The following MED1 variants were observed in gnomAD, a reference collection of about 807,000 sequenced individuals.
MED1 encodes mediator complex subunit 1.
A neutral mutation model predicts 121.3 loss-of-function variants in MED1; 17 were observed. That is an observed-to-expected ratio of 0.14 (90% CI 0.10 to 0.21). MED1 has a LOEUF of 0.21. MED1 is among the 10% of genes least tolerant of loss of function. The pLI is 1.00. For missense variants in MED1, 1,558 were observed against 1,919.4 expected, an observed-to-expected ratio of 0.81 and a Z score of 3.52; for synonymous variants, 661 against 694.4, an observed-to-expected ratio of 0.95 and a Z score of 0.76.
At position 39,423,832 on chromosome 17, in the gene MED1, A is replaced by G. The variant is rs764363546; in HGVS notation, c.852-11T>C. ...GAGAAGGAAGGGGTCCTTCAAAAAA[A>G]AGAGGGTGGAAGGGTTGGATTCTGA... On this transcript the variant is annotated splice_polypyrimidine_tract_variant and intron_variant, in intron 11 of 16. Transcript: ENST00000300651. The G allele has an allele frequency of 6.3e-7, 1 of 1,594,598 alleles. No individual in the cohort carries two copies. Among genetic ancestry groups the G allele is most frequent in the South Asian group, 1.1e-5 (1 of 87,568 alleles).
In MED1 at chr17:39,451,063, C is replaced by T. The variant is rs2048777987; in HGVS notation, c.-1G>A. 1.2e-6 allele frequency: 2 copies of T among 1,611,120 alleles called. No homozygotes were observed. The highest frequency in any genetic ancestry group is 1.7e-5 in the Admixed American group (1 of 59,550). ...CCTCGGTTTCCCCCTGAGCTTTCAT[C>T]CTGAAGGCGAGGAGAAGCTAGATCC... On this transcript the variant is annotated 5_prime_UTR_variant, in exon 1 of 17. Coordinates refer to ENST00000300651, the MANE Select transcript of MED1 (RefSeq NM_004774.4).
In MED1 at chr17:39,451,137, G is replaced by C; in HGVS notation, c.-75C>G. On this transcript the variant is annotated 5_prime_UTR_variant, in exon 1 of 17. Coordinates refer to ENST00000300651, the MANE Select transcript of MED1 (RefSeq NM_004774.4). ...CCACCACTAACGGAGGAAACAAGTT[G>C]GCTCGGGATCCCGGGACGCAGGGCA... 1 of 1,565,376 alleles carries C rather than the reference G, an allele frequency of 6.4e-7. No homozygotes were observed.
chr17:39,437,924 A>T (rs2048634993), intron 6 of MED1, among the ~76,000 whole-genome samples: 1 of 151,994 alleles, frequency 6.6e-6, no homozygotes, highest in Admixed American at 6.6e-5. Context: ...ACAAAAGTAA[A>T]TCTCCGTCTC....
intron 8 of MED1, 151 bp downstream of exon 8, chr17:39,431,791 C>A: frequency 1.8e-6 from 1 of 566,586 alleles, no homozygotes; most frequent in Non-Finnish European, 3.1e-6. Context: ...CTTAGCGATA[C>A]TGATACTCAG....
intron 1 of MED1, among the ~76,000 whole-genome samples, chr17:39,448,208 C>T (rs940469973): frequency 1.3e-5 from 2 of 150,054 alleles, no homozygotes; most frequent in East Asian, 2.0e-4. Flanking sequence ...CTGTCTCTAC[C>T]GAAAATACAA....
intron 14 of MED1, among the ~76,000 whole-genome samples, chr17:39,417,039 A>G (rs1185938952): frequency 1.3e-5 from 2 of 152,078 alleles, no homozygotes; most frequent in South Asian, 2.1e-4. Flanking sequence ...CCCTGTATCA[A>G]GAAAAAAAAG....
At position 39,408,112 on chromosome 17, in the gene MED1, C is replaced by A. The variant is rs1567917358; in HGVS notation, c.4109G>T (p.Ser1370Ile). Residue 1370 changes from serine (S) to isoleucine (I), a missense_variant, in exon 17 of 17, where the codon AGT becomes ATT. This residue lies in a region of MED1 where 264 missense variants were observed against 326.1 expected (regional missense o/e 0.81). Transcript: ENST00000300651. This position sits in a 1 kb window ranked among gnomAD's most constrained non-coding sequence, Gnocchi z 4.7. ...GGTCTTCTTAGAAGAATCCACTGAA[C>A]TCCCGGAGGTGGAAACCTTTGATTT... ...KDKSKVSTSG[S>I]SVDSSKKTSE... 1 of 1,614,176 alleles carries A rather than the reference C, an allele frequency of 6.2e-7. No homozygotes were observed. Among genetic ancestry groups the A allele is most frequent in the East Asian group, 2.2e-5 (1 of 44,884 alleles).
chr17:39,437,737 T>C (rs1329375724), intron 6 of MED1, among the ~76,000 whole-genome samples: 6 of 151,542 alleles, frequency 4.0e-5, no homozygotes, highest in Non-Finnish European at 5.9e-5. Context: ...GAGTTTGAGA[T>C]CAGCCTGGGC....
At chr17:39,415,963 C>A (rs2048405798) in intron 14 of MED1, among the ~76,000 whole-genome samples, 1 of 150,328 alleles carries the variant, frequency 6.7e-6, no homozygotes, top group Non-Finnish European at 1.5e-5. Flanking sequence ...GAACCCCAGC[C>A]TGGGAAACAG....
chr17:39,410,849 A>G, intron 16 of MED1, 128 bp from the exon 17 acceptor site: 1 of 1,341,284 alleles, frequency 7.5e-7, no homozygotes, highest in Admixed American at 2.8e-5. Context: ...GTAAGACAAA[A>G]ATAGTTCTAT....
At chr17:39,413,790 GC>G (rs1349670230) in intron 16 of MED1, among the ~76,000 whole-genome samples, 1 of 151,456 alleles carries the variant, frequency 6.6e-6, no homozygotes, top group African/African-American at 2.4e-5. Context: ...TGAAGAATTG[GC>G]ACACAGGATA....
chr17:39,405,921 TTA>T lies in MED1; in HGVS notation c.*1552_*1553del, dbSNP rs1199021134. ...AAAGGAATCACCTGGCTTTTTTTTTTTAACCCAGAAGAGTTGTGCTGGGGACC... is the reference window on the plus strand; with the variant it reads ...AAAGGAATCACCTGGCTTTTTTTTTTACCCAGAAGAGTTGTGCTGGGGACC... On this transcript the variant is annotated 3_prime_UTR_variant, in exon 17 of 17. Coordinates refer to ENST00000300651, the MANE Select transcript of MED1 (RefSeq NM_004774.4). The T allele has an allele frequency of 1.0e-6, 1 of 985,204 alleles. No individual in the cohort carries two copies. The highest frequency in any genetic ancestry group is 1.7e-5 in the African/African-American group (1 of 57,206). 61.0% of individuals were successfully genotyped at this position (985,204 alleles called of 1,614,324 possible).
intron 16 of MED1, among the ~76,000 whole-genome samples, chr17:39,412,772 G>A (rs926811009): frequency 3.3e-5 from 5 of 151,648 alleles, no homozygotes; most frequent in Admixed American, 6.6e-5. Flanking sequence ...TCCTGACCTC[G>A]TGATTTACCC....
At chr17:39,441,378 A>G (rs891208436) in intron 3 of MED1, among the ~76,000 whole-genome samples, 1 of 152,212 alleles carries the variant, frequency 6.6e-6, no homozygotes, top group Non-Finnish European at 1.5e-5. Context: ...GACAGTGGTG[A>G]TGATTATACA....
chr17:39,410,001 T>A lies in MED1; in HGVS notation c.2220A>T (p.Pro740=), dbSNP rs1346762129. 1 of 1,614,008 alleles carries A rather than the reference T, an allele frequency of 6.2e-7. No homozygotes were observed. The highest frequency in any genetic ancestry group is 8.5e-7 in the Non-Finnish European group (1 of 1,180,020). Residue 740 remains proline (P), a synonymous_variant, in exon 17 of 17, where the codon CCA becomes CCT. Coordinates refer to ENST00000300651, the MANE Select transcript of MED1 (RefSeq NM_004774.4). ...GGGGAGTGCTACACTGGCTTGGAGC[T>A]GGAGTGATGTGTGGCGTATCCAGCG... ...ADTLDTPHIT[P]APSQCSTPPT...
intron 3 of MED1, among the ~76,000 whole-genome samples, chr17:39,441,859 T>G (rs1351305063): frequency 6.6e-6 from 1 of 151,742 alleles, no homozygotes; most frequent in Non-Finnish European, 1.5e-5. Flanking sequence ...TCCCAACACT[T>G]TGGGAGGCCA....
At chr17:39,420,111 T>C (rs1295787362) in intron 13 of MED1, among the ~76,000 whole-genome samples, 193 bp from the exon 14 acceptor site, 2 of 152,174 alleles carry the variant, frequency 1.3e-5, no homozygotes, top group Non-Finnish European at 2.9e-5. Flanking sequence ...AAATGCACTA[T>C]GCTAGTGATT....
In MED1 at chr17:39,409,582, TCTC is replaced by T. The variant is rs1014979591; in HGVS notation, c.2636_2638del (p.Gly879del). On this transcript the variant is annotated inframe_deletion, in exon 17 of 17. Transcript: ENST00000300651. ...TTGGCTGCTTTCATCAAAATATTCT[TCTC>T]CAAAACCACTTTGGCTCTGGCTGTT... The T allele has an allele frequency of 1.2e-6, 2 of 1,613,974 alleles. No individual in the cohort carries two copies. The highest frequency in any genetic ancestry group is 1.7e-6 in the Non-Finnish European group (2 of 1,180,022).
In MED1 at chr17:39,421,206, G is replaced by A. The variant is rs567237971; in HGVS notation, c.1096-1288C>T. Among the ~76,000 whole-genome samples the A allele has an allele frequency of 4.3e-3, 636 of 148,122 alleles. 6 individuals carry two copies. The highest frequency in any genetic ancestry group is 6.8e-3 in the Non-Finnish European group (455 of 67,292). ...GCAGAGGTTGCAGTCAGCCGAGATC[G>A]TGCCACTGCACTCCAGCCTGGGCAC... On this transcript the variant is annotated intron_variant, in intron 13 of 16. Coordinates refer to ENST00000300651, the MANE Select transcript of MED1 (RefSeq NM_004774.4).
Sources: gnomAD v4.1 joint callset for allele counts (sites outside exome capture counted in the v4.1 genomes callset) on GRCh38, gnomAD v4.1.1 for gene constraint, gnomAD v4.1.1 regional missense constraint, Gnocchi (gnomAD v3.1) non-coding constraint, MANE v1.5 for transcripts, NCBI Gene and HGNC (gene_info 2026-07-23, HGNC 2026-07-21) for gene names.